Variants in LHFPL6 observed in about 807,000 individuals in gnomAD.
LHFPL6 encodes the protein LHFPL tetraspan subfamily member 6 protein.
LHFPL6 carries 9 observed loss-of-function variants against 20.6 expected under a neutral mutation model. That is an observed-to-expected ratio of 0.44 (90% CI 0.26 to 0.76). The LOEUF is 0.76. Among genes scored for constraint, LHFPL6 ranks in the 30% least tolerant of loss-of-function variants. The probability of loss-of-function intolerance (pLI) is 0.20; values close to 1 mark genes in which losing one functional copy is unlikely to be tolerated. For synonymous variants in LHFPL6, 105 were observed against 98.7 expected, an observed-to-expected ratio of 1.06 and a Z score of -0.38; for missense variants, 218 against 253.5, an observed-to-expected ratio of 0.86 and a Z score of 0.95.
At chr13:39,554,553 C>A (rs956699320) in intron 2 of LHFPL6, among the ~76,000 whole-genome samples, 3 of 152,202 alleles carry the variant, frequency 2.0e-5, no homozygotes, top group African/African-American at 7.2e-5. Context: ...TCGCCTGCAT[C>A]CCTGCATACT....
At chr13:39,417,115 C>T (rs1354360607) in intron 2 of LHFPL6, among the ~76,000 whole-genome samples, 1 of 152,212 alleles carries the variant, frequency 6.6e-6, no homozygotes. Context: ...GCTTTTATTA[C>T]ACTTCTTACC....
chr13:39,369,601 C>CCTTCCTTCCTTCCCTCCCTCCCTCCTT (rs1566095674), intron 3 of LHFPL6, among the ~76,000 whole-genome samples: 1 of 25,272 alleles, frequency 4.0e-5, no homozygotes, highest in African/African-American at 1.6e-4. Flanking sequence ...CTTCCTTCCT[C>CCTTCCTTCCTTCCCTCCCTCCCTCCTT]CCTCTCTCCC....
chr13:39,451,990 A>G (rs1442653446), intron 2 of LHFPL6, among the ~76,000 whole-genome samples: 1 of 152,146 alleles, frequency 6.6e-6, no homozygotes, highest in East Asian at 1.9e-4. Flanking sequence ...CTATTTTTGG[A>G]CCAGGGCCAT....
rs376550526 is a variant in LHFPL6 at position 39,378,424 on chromosome 13, T to G, written c.484+4A>C. Reference sequence around the variant, plus strand: ...AAGGAGTGCCATCCATGAAGAAAGCTTACCCAGGTCAAACTGGCCAGAAGT... The same window carrying G: ...AAGGAGTGCCATCCATGAAGAAAGCGTACCCAGGTCAAACTGGCCAGAAGT... On this transcript the variant is annotated splice_donor_region_variant and intron_variant, in intron 3 of 3. Transcript: ENST00000379589. 6.2e-7 allele frequency: 1 copy of G among 1,612,388 alleles called. No individual in the cohort carries two copies. The highest frequency in any genetic ancestry group is 1.3e-5 in the African/African-American group (1 of 74,852).
intron 3 of LHFPL6, among the ~76,000 whole-genome samples, chr13:39,373,581 G>C (rs1249322205): frequency 6.6e-6 from 1 of 152,212 alleles, no homozygotes; most frequent in African/African-American, 2.4e-5. Context: ...GCTCAGTGCA[G>C]TCTTCAACTA....
chr13:39,579,201 T>C (rs978290582), intron 2 of LHFPL6, among the ~76,000 whole-genome samples: 1 of 152,026 alleles, frequency 6.6e-6, no homozygotes, highest in Non-Finnish European at 1.5e-5. Flanking sequence ...GGCAGCAACA[T>C]GAGGCTGCAT....
intron 2 of LHFPL6, among the ~76,000 whole-genome samples, chr13:39,448,353 G>A (rs988859619): frequency 3.3e-5 from 5 of 152,142 alleles, no homozygotes; most frequent in Admixed American, 6.5e-5. Flanking sequence ...CAGGAGCTTT[G>A]TCTGTACTGC....
At chr13:39,407,576 C>T (rs919317377) in intron 2 of LHFPL6, among the ~76,000 whole-genome samples, 2 of 152,090 alleles carry the variant, frequency 1.3e-5, no homozygotes, top group Non-Finnish European at 2.9e-5. Flanking sequence ...AGGAAAATGA[C>T]TTAGAAATGC....
At chr13:39,392,984 T>A (rs574689995) in intron 2 of LHFPL6, among the ~76,000 whole-genome samples, 1 of 152,208 alleles carries the variant, frequency 6.6e-6, no homozygotes, top group Non-Finnish European at 1.5e-5. Context: ...CTAAACAATA[T>A]ACTATAACAA....
chr13:39,512,042 C>T (rs1037505619), intron 2 of LHFPL6, among the ~76,000 whole-genome samples: 2 of 152,154 alleles, frequency 1.3e-5, no homozygotes, highest in Non-Finnish European at 2.9e-5. Context: ...TTTTCTGGTT[C>T]TGAAGTGGGA....
chr13:39,424,891 T>A (rs767724096), intron 2 of LHFPL6, among the ~76,000 whole-genome samples: 22 of 152,210 alleles, frequency 1.4e-4, no homozygotes, highest in Non-Finnish European at 2.8e-4. Flanking sequence ...TACTCTTAAA[T>A]TGTTTTAGAC....
At chr13:39,554,383 A>T (rs1204717169) in intron 2 of LHFPL6, among the ~76,000 whole-genome samples, 1 of 152,222 alleles carries the variant, frequency 6.6e-6, no homozygotes, top group Admixed American at 6.5e-5. Context: ...TTACTAAATC[A>T]AAATCATTGT....
chr13:39,506,723 T>TG lies in LHFPL6; in HGVS notation c.385+94108dup, dbSNP rs961903739. Reference sequence around the variant, plus strand: ...GAAGGAAGGAGGTGGGATAGGGAGGTGGGGGGGAAGGTGTGGAAAAATAAT... The same window carrying TG: ...GAAGGAAGGAGGTGGGATAGGGAGGTGGGGGGGGAAGGTGTGGAAAAATAAT... On this transcript the variant is annotated intron_variant, in intron 2 of 3. Transcript: ENST00000379589. Among the ~76,000 whole-genome samples, 5 of 149,582 alleles carry TG rather than the reference T, an allele frequency of 3.3e-5. 1 individual carries two copies. Among genetic ancestry groups the TG allele is most frequent in the African/African-American group, 4.9e-5 (2 of 40,596 alleles).
At chr13:39,549,055 A>G (rs112630514) in intron 2 of LHFPL6, among the ~76,000 whole-genome samples, 4,618 of 152,258 alleles carry the variant, frequency 0.03, 199 homozygotes, top group African/African-American at 0.089. Context: ...AACTCTCAGA[A>G]CTTAATCATA....
intron 2 of LHFPL6, among the ~76,000 whole-genome samples, chr13:39,577,188 G>A (rs771543857): frequency 1.3e-5 from 2 of 152,034 alleles, no homozygotes; most frequent in Admixed American, 1.3e-4. Flanking sequence ...AATTTCACTG[G>A]GCAGTTAAGA....
intron 2 of LHFPL6, among the ~76,000 whole-genome samples, chr13:39,451,055 C>T (rs1285245417): frequency 1.3e-5 from 2 of 152,080 alleles, no homozygotes; most frequent in Non-Finnish European, 2.9e-5. Context: ...TTCTACTCTC[C>T]GGAAGATAGC....
chr13:39,513,676 G>A (rs1384895585), intron 2 of LHFPL6, among the ~76,000 whole-genome samples: 1 of 152,118 alleles, frequency 6.6e-6, no homozygotes, highest in Non-Finnish European at 1.5e-5. Context: ...CTCACAATAA[G>A]TCTATAAAGT....
chr13:39,496,852 C>A (rs551270371), intron 2 of LHFPL6, among the ~76,000 whole-genome samples: 1 of 152,290 alleles, frequency 6.6e-6, no homozygotes, highest in South Asian at 2.1e-4. Flanking sequence ...TGTCATCATT[C>A]TCCATGATAC....
At chr13:39,445,173 A>C (rs1333971406) in intron 2 of LHFPL6, among the ~76,000 whole-genome samples, 1 of 152,210 alleles carries the variant, frequency 6.6e-6, no homozygotes, top group African/African-American at 2.4e-5. Context: ...CCCAACCTCC[A>C]GAACAGCCCA....
Sources: gnomAD v4.1 joint callset for allele counts (sites outside exome capture counted in the v4.1 genomes callset) on GRCh38, gnomAD v4.1.1 for gene constraint, MANE v1.5 for transcripts, NCBI Gene and HGNC (gene_info 2026-07-23, HGNC 2026-07-21) for gene names.